Variants in XAF1 observed in about 807,000 individuals in gnomAD.
XAF1 encodes the protein XIAP associated factor 1.
XAF1 carries 32 observed loss-of-function variants against 32.3 expected under a neutral mutation model. That is an observed-to-expected ratio of 0.99 (90% CI 0.75 to 1.33). The LOEUF is 1.33. Among genes scored for constraint, XAF1 ranks in the 40% most tolerant of loss-of-function variants. The pLI, the probability that XAF1 is intolerant of heterozygous loss-of-function variation, is 0.00. For synonymous variants in XAF1, 120 were observed against 125.9 expected (o/e 0.95, Z 0.31); for missense variants, 379 against 366.0 (o/e 1.04, Z -0.29).
intron 1 of XAF1, among the ~76,000 whole-genome samples, chr17:6,757,668 A>G (rs1256116570): frequency 6.6e-6 from 1 of 152,230 alleles, no homozygotes; most frequent in Non-Finnish European, 1.5e-5. Context: ...TCATTTTAAA[A>G]ACAGCCTTAT....
At chr17:6,757,926 ACTTTTGGAC>A (rs1434681339) in intron 1 of XAF1, among the ~76,000 whole-genome samples, 154 bp from the exon 2 acceptor site, 1 of 151,974 alleles carries the variant, frequency 6.6e-6, no homozygotes, top group Non-Finnish European at 1.5e-5. Flanking sequence ...CACTGTTCTG[ACTTTTGGAC>A]CCACACAGGG....
In XAF1 at chr17:6,770,899, G is replaced by C. The variant is rs753227682; in HGVS notation, c.764G>C (p.Arg255Thr). The C allele has an allele frequency of 6.2e-6, 10 of 1,613,806 alleles. No homozygotes were observed. Among genetic ancestry groups the C allele is most frequent in the Non-Finnish European group, 8.5e-6 (10 of 1,180,022 alleles). Residue 255 changes from arginine (R) to threonine (T), a missense_variant, in exon 6 of 7, where the codon AGA (arginine) becomes ACA (threonine). Transcript: ENST00000361842. ...SEPKPRTSSP[R>T]GDKAAYDILR... is the part of the protein sequence containing the mutation. ...CCCAAGCCCAGGACCAGCTCCCCTA[G>C]AGGAGATAAAGCAGCCTATGACATT...
intron 3 of XAF1, 56 bp from the exon 4 acceptor site, chr17:6,760,347 CAAA>C (rs71383422): frequency 0.011 from 11,689 of 1,026,778 alleles, 8 homozygotes; most frequent in African/African-American, 0.025. Flanking sequence ...GACTCTGTCT[CAAA>C]AAAAAAAAAA....
At chr17:6,767,334 C>T (rs529300964) in intron 5 of XAF1, among the ~76,000 whole-genome samples, 4 of 152,284 alleles carry the variant, frequency 2.6e-5, no homozygotes, top group Admixed American at 2.6e-4. Flanking sequence ...AATAAATCTA[C>T]TCTTAGATAC....
At chr17:6,766,915 T>C (rs1337703212) in intron 5 of XAF1, among the ~76,000 whole-genome samples, 1 of 152,240 alleles carries the variant, frequency 6.6e-6, no homozygotes, top group East Asian at 1.9e-4. Context: ...GGAGTTCTGA[T>C]TCCCAAATCT....
chr17:6,764,467 CAA>C (rs1975442987), intron 5 of XAF1, among the ~76,000 whole-genome samples: 1 of 152,204 alleles, frequency 6.6e-6, no homozygotes, highest in African/African-American at 2.4e-5. Flanking sequence ...CAGGTAACAA[CAA>C]AGTCTCACAT....
At chr17:6,765,369 C>T (rs943760962) in intron 5 of XAF1, among the ~76,000 whole-genome samples, 2 of 152,068 alleles carry the variant, frequency 1.3e-5, no homozygotes, top group Admixed American at 6.6e-5. Context: ...GCCGAGATCA[C>T]GCCACTACAC....
intron 2 of XAF1, chr17:6,758,712 C>T (rs370457325): frequency 2.0e-5 from 5 of 251,408 alleles, no homozygotes; most frequent in East Asian, 1.2e-4. Context: ...TCCAGTCCTC[C>T]CTGCAGGAGA....
At position 6,773,288 on chromosome 17, in the gene XAF1, A is replaced by G; in HGVS notation, c.*119A>G. 5 of 911,552 alleles carry G rather than the reference A, an allele frequency of 5.5e-6. No homozygotes were observed. The highest frequency in any genetic ancestry group is 6.3e-6 in the Non-Finnish European group (4 of 632,694). The allele number at this position is 911,552 out of a possible 1,614,324, so 56.5% of individuals were successfully genotyped here. Reference sequence around the variant, plus strand: ...TGGGTTTTATTCGTTGGGCTTTAAAAGAAAAGGTTTGGCAGAACTAAAAAC... The same window carrying G: ...TGGGTTTTATTCGTTGGGCTTTAAAGGAAAAGGTTTGGCAGAACTAAAAAC... On this transcript the variant is annotated 3_prime_UTR_variant, in exon 7 of 7. Coordinates refer to ENST00000361842, the MANE Select transcript of XAF1 (RefSeq NM_017523.5).
intron 3 of XAF1, among the ~76,000 whole-genome samples, 198 bp from the exon 4 acceptor site, chr17:6,760,208 C>G (rs541909488): frequency 6.6e-6 from 1 of 152,078 alleles, no homozygotes. Context: ...ATTAGCTGGG[C>G]GTGGTGGCAC....
At chr17:6,759,573 A>G (rs1975007550) in intron 2 of XAF1, 89 bp from the exon 3 acceptor site, 1 of 1,593,678 alleles carries the variant, frequency 6.3e-7, no homozygotes, top group African/African-American at 1.3e-5. Flanking sequence ...AACCCGGAAC[A>G]CTGTGAGCCA....
intron 5 of XAF1, 141 bp from the exon 6 acceptor site, chr17:6,770,502 T>G: frequency 1.4e-6 from 1 of 692,950 alleles, no homozygotes; most frequent in South Asian, 2.9e-5. Flanking sequence ...AAGCCAGCTA[T>G]TAAATTGAAT....
upstream of XAF1, chr17:6,755,897 C>A: frequency 7.0e-7 from 1 of 1,425,614 alleles, no homozygotes; most frequent in Non-Finnish European, 9.2e-7. Flanking sequence ...AGGGGCTGGC[C>A]ATGCTGTAAA....
rs1976278365 is a variant in XAF1, at chr17:6,774,353, CT to C, written c.*1185del. ...CATTCAGTAAGTGGTACTGGGATAA[CT>C]AGCTAGCCATATGCAGAGGATTGAA... On this transcript the variant is annotated 3_prime_UTR_variant, in exon 7 of 7. Coordinates refer to ENST00000361842, the MANE Select transcript of XAF1 (RefSeq NM_017523.5). 1 of 152,182 alleles carries C rather than the reference CT, an allele frequency of 6.6e-6. No individual in the cohort carries two copies. Among genetic ancestry groups the C allele is most frequent in the African/African-American group, 2.4e-5 (1 of 41,442 alleles). 9.4% of individuals were successfully genotyped at this position (152,182 alleles called of 1,614,324 possible). A position where few individuals can be genotyped will look rare whatever the true frequency, so the allele number is the denominator to read the frequency against.
At chr17:6,768,750 A>G (rs1352330149) in intron 5 of XAF1, among the ~76,000 whole-genome samples, 1 of 152,008 alleles carries the variant, frequency 6.6e-6, no homozygotes, top group East Asian at 1.9e-4. Flanking sequence ...TAATCTTTAT[A>G]TTTGGTTGAT....
chr17:6,760,140 G>A (rs367618810), intron 3 of XAF1, among the ~76,000 whole-genome samples: 7 of 152,156 alleles, frequency 4.6e-5, no homozygotes, highest in African/African-American at 1.7e-4. Context: ...ACGAGGTCAG[G>A]AGTTCGAGAC....
intron 2 of XAF1, 199 bp from the exon 3 acceptor site, chr17:6,759,463 A>C (rs3752861): frequency 0.23 from 323,387 of 1,421,936 alleles, 37,402 homozygotes; most frequent in East Asian, 0.31. Context: ...TTGCCAACTC[A>C]GACTGGTCTG....
rs757386179 is a variant in XAF1 at position 6,770,833 on chromosome 17, G to C, written c.698G>C (p.Arg233Thr). ...HSESSSKKAP[R>T]SKNKTLDPLL... ...GAAAGTTCATCAAAGAAAGCACCAA[G>C]AAGCAAAAACAAAACCTTGGATCCA... Residue 233 changes from arginine (R) to threonine (T), a missense_variant, in exon 6 of 7, where the codon AGA becomes ACA. Transcript: ENST00000361842. 6 of 1,613,658 alleles carry C rather than the reference G, an allele frequency of 3.7e-6. No individual in the cohort carries two copies. Among genetic ancestry groups the C allele is most frequent in the Non-Finnish European group, 5.1e-6 (6 of 1,179,900 alleles).
intron 5 of XAF1, among the ~76,000 whole-genome samples, chr17:6,765,043 A>G (rs983523326): frequency 6.6e-6 from 1 of 152,110 alleles, no homozygotes; most frequent in Non-Finnish European, 1.5e-5. Flanking sequence ...GGGGGGCCCC[A>G]GGGCTTAGTC....
Sources: allele counts gnomAD v4.1 joint callset (sites outside exome capture counted in the v4.1 genomes callset), GRCh38; gene constraint gnomAD v4.1.1; transcripts MANE v1.5; gene names NCBI Gene and HGNC (gene_info 2026-07-23, HGNC 2026-07-21).